MCTP1: variants seen among roughly 807,000 people sequenced by gnomAD.
The protein encoded by MCTP1 is multiple C2 and transmembrane domain containing 1.
Under a neutral mutation model 120.6 loss-of-function variants are expected in MCTP1, and 69 were observed. The observed-to-expected ratio is 0.57, with a 90% CI of 0.47 to 0.70. The LOEUF is 0.70. MCTP1 is among the 30% of genes least tolerant of loss of function. The probability of loss-of-function intolerance (pLI) is 0.00; values close to 1 mark genes in which losing one functional copy is unlikely to be tolerated. For missense variants in MCTP1, 1,203 were observed against 1,248.8 expected (o/e 0.96, Z 0.55); for synonymous variants, 529 against 493.1 (o/e 1.07, Z -0.96).
intron 1 of MCTP1, among the ~76,000 whole-genome samples, chr5:95,024,596 G>A (rs1838853224): frequency 6.6e-6 from 1 of 151,088 alleles, no homozygotes. Context: ...CGTAGTACTA[G>A]AAGTCCTAGC....
intron 1 of MCTP1, among the ~76,000 whole-genome samples, chr5:95,188,983 G>A (rs1470886493): frequency 2.6e-5 from 4 of 151,992 alleles, no homozygotes; most frequent in East Asian, 1.9e-4. Context: ...AAAATCACAC[G>A]TGAATCTAAA....
intron 17 of MCTP1, among the ~76,000 whole-genome samples, chr5:94,817,592 A>G (rs1784741617): frequency 6.6e-6 from 1 of 152,072 alleles, no homozygotes; most frequent in Non-Finnish European, 1.5e-5. Flanking sequence ...GATTTTTCCT[A>G]TTGTCTTATT....
At position 95,147,850 on chromosome 5, in the gene MCTP1, C is replaced by T. The variant is rs1760539904; in HGVS notation, c.721-130366G>A. On this transcript the variant is annotated intron_variant, in intron 1 of 22. Transcript: ENST00000515393. Reference sequence around the variant, plus strand: ...GGTAGCAAGTATCAGTCTTTCATTTCCATGTTTAGCATTCCCTTTAGGACC... The same window carrying T: ...GGTAGCAAGTATCAGTCTTTCATTTTCATGTTTAGCATTCCCTTTAGGACC... Among the ~76,000 whole-genome samples, 4 of 152,158 alleles carry T rather than the reference C, an allele frequency of 2.6e-5. No individual in the cohort carries two copies. The South Asian group carries it at 8.3e-4, about 32-fold the overall frequency.
chr5:94,913,162 T>G (rs73136032), intron 8 of MCTP1, among the ~76,000 whole-genome samples, 186 bp from the exon 9 acceptor site: 5,796 of 152,122 alleles, frequency 0.038, 152 homozygotes, highest in Non-Finnish European at 0.055. Flanking sequence ...AATTATCATT[T>G]CATGATAAAT....
At chr5:94,829,256 C>T (rs539169472) in intron 17 of MCTP1, among the ~76,000 whole-genome samples, 3 of 152,236 alleles carry the variant, frequency 2.0e-5, no homozygotes, top group East Asian at 1.9e-4. Flanking sequence ...CTGGGTGAGG[C>T]GACGCCCCAC....
At chr5:95,074,794 T>C (rs183860683) in intron 1 of MCTP1, among the ~76,000 whole-genome samples, 182 of 152,272 alleles carry the variant, frequency 1.2e-3, no homozygotes, top group Admixed American at 2.4e-3. Context: ...CACAAGGAAA[T>C]TAGGTCAAGC....
intron 1 of MCTP1, among the ~76,000 whole-genome samples, chr5:95,162,969 C>T (rs968859056): frequency 3.3e-5 from 5 of 152,134 alleles, no homozygotes; most frequent in African/African-American, 1.2e-4. Flanking sequence ...ATATCAGTAT[C>T]ATCCTTACTC....
intron 1 of MCTP1, among the ~76,000 whole-genome samples, chr5:95,071,137 T>G (rs147660856): frequency 2.0e-5 from 3 of 152,280 alleles, no homozygotes; most frequent in Non-Finnish European, 2.9e-5. Flanking sequence ...AGCATACTTG[T>G]GAAGGCTAAC....
intron 19 of MCTP1, among the ~76,000 whole-genome samples, chr5:94,755,981 C>T (rs1203275643): frequency 6.6e-6 from 1 of 152,202 alleles, no homozygotes; most frequent in Non-Finnish European, 1.5e-5. Flanking sequence ...TCTATTCTTA[C>T]TCAGACCTTC....
chr5:95,233,163 T>G (rs1327480416), intron 1 of MCTP1, among the ~76,000 whole-genome samples: 1 of 152,156 alleles, frequency 6.6e-6, no homozygotes, highest in African/African-American at 2.4e-5. Flanking sequence ...GCACAATATT[T>G]ACCAAAACAG....
At chr5:94,817,791 G>A (rs1276509329) in intron 17 of MCTP1, among the ~76,000 whole-genome samples, 2 of 151,972 alleles carry the variant, frequency 1.3e-5, no homozygotes, top group Non-Finnish European at 2.9e-5. Flanking sequence ...TATGATTTTG[G>A]CCCTTTTTAG....
intron 19 of MCTP1, among the ~76,000 whole-genome samples, chr5:94,745,545 G>A (rs766146492): frequency 6.6e-6 from 1 of 152,160 alleles, no homozygotes; most frequent in Non-Finnish European, 1.5e-5. Context: ...AAGGTGGAGA[G>A]GAAAGAGTCA....
chr5:94,925,618 C>A (rs1156814734), intron 6 of MCTP1, among the ~76,000 whole-genome samples: 2 of 152,114 alleles, frequency 1.3e-5, no homozygotes, highest in Non-Finnish European at 2.9e-5. Flanking sequence ...ACTGTGTTAG[C>A]CAGAATGGTC....
At chr5:94,846,065 G>A (rs1328061729) in intron 17 of MCTP1, among the ~76,000 whole-genome samples, 2 of 152,172 alleles carry the variant, frequency 1.3e-5, no homozygotes, top group African/African-American at 4.8e-5. Context: ...GTGTAAATTA[G>A]TTCAGCTATC....
chr5:95,249,368 A>C (rs976608551), intron 1 of MCTP1, among the ~76,000 whole-genome samples: 4 of 152,240 alleles, frequency 2.6e-5, no homozygotes, highest in Non-Finnish European at 5.9e-5. Context: ...GATACTTCTC[A>C]AAAGAAGACA....
intron 1 of MCTP1, among the ~76,000 whole-genome samples, chr5:95,147,057 G>A (rs1268271658): frequency 2.6e-5 from 4 of 151,916 alleles, no homozygotes; most frequent in Admixed American, 6.6e-5. Flanking sequence ...TGGGTGCTAC[G>A]ATGTTGGGTG....
chr5:94,942,866 A>T (rs1818066004), intron 3 of MCTP1, among the ~76,000 whole-genome samples: 1 of 152,124 alleles, frequency 6.6e-6, no homozygotes, highest in Non-Finnish European at 1.5e-5. Context: ...GTAAAAAGAT[A>T]CTATGATTAA....
rs556680761 is a variant in MCTP1 at position 95,181,866 on chromosome 5, C to T, written c.720+101990G>A. ...TCCTTTCACCATCCGTTAGTGATTGCTCACTGTGTTTGTTATTCAGTTCAT... is the reference window on the plus strand; with the variant it reads ...TCCTTTCACCATCCGTTAGTGATTGTTCACTGTGTTTGTTATTCAGTTCAT... On this transcript the variant is annotated intron_variant, in intron 1 of 22. Transcript: ENST00000515393. Among the ~76,000 whole-genome samples, 148 of 152,302 alleles carry T rather than the reference C, an allele frequency of 9.7e-4. 1 individual carries two copies. The highest frequency in any genetic ancestry group is 3.4e-3 in the Admixed American group (52 of 15,302).
intron 3 of MCTP1, 53 bp downstream of exon 3, chr5:94,953,166 A>T: frequency 6.6e-7 from 1 of 1,512,768 alleles, no homozygotes; most frequent in Admixed American, 2.0e-5. Flanking sequence ...AAACCCAGTA[A>T]ACAGGGATTT....
Sources: gnomAD v4.1 joint callset for allele counts (sites outside exome capture counted in the v4.1 genomes callset) on GRCh38, gnomAD v4.1.1 for gene constraint, MANE v1.5 for transcripts, NCBI Gene and HGNC (gene_info 2026-07-23, HGNC 2026-07-21) for gene names.